The following MYO16 variants were observed in gnomAD, a reference collection of about 807,000 sequenced individuals.
MYO16 encodes myosin XVI, also known as unconventional myosin-XVI.
In MYO16, 94 loss-of-function variants were observed where a neutral mutation model predicts 205.3. The observed-to-expected ratio is 0.46, with a 90% CI of 0.39 to 0.54. The LOEUF is 0.54. Ranked by LOEUF, MYO16 falls within the 20% of genes least tolerant of loss-of-function variation. The pLI is 0.00. For missense variants in MYO16, 2,315 were observed against 2,387.5 expected (o/e 0.97, Z 0.63); for synonymous variants, 988 against 954.0 (o/e 1.04, Z -0.66).
At chr13:108,753,133 GC>G (rs570664992) in intron 4 of MYO16, among the ~76,000 whole-genome samples, 117 of 151,748 alleles carry the variant, frequency 7.7e-4, no homozygotes, top group African/African-American at 2.7e-3. Flanking sequence ...ATTTTGGGAG[GC>G]CGAGGTGGGT....
At chr13:109,098,922 T>C (rs1888865050) in intron 27 of MYO16, among the ~76,000 whole-genome samples, 2 of 152,244 alleles carry the variant, frequency 1.3e-5, no homozygotes, top group African/African-American at 4.8e-5. Flanking sequence ...ACTTAGTTCA[T>C]GAGTCACCCA....
intron 1 of MYO16, among the ~76,000 whole-genome samples, chr13:108,612,051 A>G (rs1879196227): frequency 7.1e-6 from 1 of 140,274 alleles, no homozygotes; most frequent in Non-Finnish European, 1.5e-5. Context: ...CTGATAAAGT[A>G]GACTCTTTAC....
At chr13:109,202,897 A>C (rs1784971886) in intron 34 of MYO16, among the ~76,000 whole-genome samples, 1 of 152,160 alleles carries the variant, frequency 6.6e-6, no homozygotes, top group Admixed American at 6.6e-5. Flanking sequence ...ACACCCAAAT[A>C]CTTACAGCCA....
chr13:108,644,998 G>T (rs1351136018), intron 1 of MYO16, among the ~76,000 whole-genome samples: 1 of 152,170 alleles, frequency 6.6e-6, no homozygotes, highest in Non-Finnish European at 1.5e-5. Context: ...GTTTTGGGCT[G>T]GTTTCTAGCA....
chr13:108,822,376 G>C lies in MYO16; in HGVS notation c.944-749G>C, dbSNP rs406644. On this transcript the variant is annotated intron_variant, in intron 8 of 34. Coordinates refer to ENST00000457511, the MANE Select transcript of MYO16 (RefSeq NM_001198950.3). ...CCCAGAAGGCCACATAACTCTAATT[G>C]ATAGACATAGGTGGTCACACAGTCT... Among the ~76,000 whole-genome samples, 717 of 152,158 alleles carry C rather than the reference G, an allele frequency of 4.7e-3. 5 individuals are homozygous for C. The highest frequency in any genetic ancestry group is 0.017 in the African/African-American group (685 of 41,482).
At chr13:109,063,785 A>G (rs34431766) in intron 27 of MYO16, among the ~76,000 whole-genome samples, 90,000 of 151,238 alleles carry the variant, frequency 0.6, 26,756 homozygotes, top group Admixed American at 0.63. Context: ...CTTGATACTT[A>G]TGCTGATAGA....
the MYO16 span, among the ~76,000 whole-genome samples, chr13:108,568,979 T>A: frequency 3.3e-5 from 5 of 152,004 alleles, no homozygotes; most frequent in Non-Finnish European, 7.4e-5. Context: ...TGACCATAAA[T>A]GTGTTTATTT....
At chr13:109,016,458 T>C (rs2139503741) in intron 22 of MYO16, among the ~76,000 whole-genome samples, 1 of 152,254 alleles carries the variant, frequency 6.6e-6, no homozygotes, top group South Asian at 2.1e-4. Flanking sequence ...GGGTGGAGAG[T>C]TCTGTAGATG....
the MYO16 span, among the ~76,000 whole-genome samples, chr13:108,500,583 C>G: frequency 6.6e-6 from 1 of 151,998 alleles, no homozygotes; most frequent in African/African-American, 2.4e-5. Flanking sequence ...TCCTTTCCCT[C>G]CCCCACATCC....
At chr13:108,958,553 C>T (rs1298315996) in intron 17 of MYO16, among the ~76,000 whole-genome samples, 1 of 152,172 alleles carries the variant, frequency 6.6e-6, no homozygotes, top group Non-Finnish European at 1.5e-5. Context: ...TAGTGACCTG[C>T]ATGGTGCTGT....
At chr13:108,522,766 T>TTGTG in the MYO16 span, among the ~76,000 whole-genome samples, 1,167 of 149,736 alleles carry the variant, frequency 7.8e-3, 8 homozygotes, top group South Asian at 0.021. Flanking sequence ...GTGTGTGTGT[T>TTGTG]TGTGTGTGTG....
chr13:109,022,985 T>C (rs1196863014), intron 23 of MYO16, among the ~76,000 whole-genome samples: 1 of 135,158 alleles, frequency 7.4e-6, no homozygotes, highest in Non-Finnish European at 1.5e-5. Flanking sequence ...AATATAGGTA[T>C]ATATTTATAT....
At chr13:108,539,941 T>A in the MYO16 span, among the ~76,000 whole-genome samples, 1 of 152,112 alleles carries the variant, frequency 6.6e-6, no homozygotes. Context: ...AAATGTGAGT[T>A]GGAAAAAGAG....
chr13:108,653,962 C>T (rs576900033), intron 1 of MYO16, among the ~76,000 whole-genome samples: 1 of 152,218 alleles, frequency 6.6e-6, no homozygotes, highest in South Asian at 2.1e-4. Flanking sequence ...ACTATGTAGT[C>T]TTTGGCAGAG....
intron 1 of MYO16, among the ~76,000 whole-genome samples, chr13:108,600,929 T>A (rs1269731840): frequency 6.6e-6 from 1 of 152,144 alleles, no homozygotes; most frequent in East Asian, 1.9e-4. Flanking sequence ...CTTATTTTTA[T>A]GCCACTTATC....
chr13:108,845,428 G>A (rs1459152955), intron 10 of MYO16, among the ~76,000 whole-genome samples: 1 of 152,136 alleles, frequency 6.6e-6, no homozygotes, highest in African/African-American at 2.4e-5. Context: ...GTTGACTGAA[G>A]GTGCAGGGTG....
At chr13:108,806,387 A>T (rs1362051932) in intron 6 of MYO16, among the ~76,000 whole-genome samples, 1 of 152,208 alleles carries the variant, frequency 6.6e-6, no homozygotes, top group Non-Finnish European at 1.5e-5. Flanking sequence ...TCTGTATTTT[A>T]AAATATTCAG....
At chr13:109,190,871 C>T (rs1344069245) in intron 34 of MYO16, among the ~76,000 whole-genome samples, 1 of 152,090 alleles carries the variant, frequency 6.6e-6, no homozygotes, top group Admixed American at 6.6e-5. Flanking sequence ...CAACTTAAAG[C>T]ATATAATAAT....
intron 2 of MYO16, among the ~76,000 whole-genome samples, chr13:108,705,332 T>C (rs1343287541): frequency 6.6e-6 from 1 of 152,174 alleles, no homozygotes; most frequent in African/African-American, 2.4e-5. Flanking sequence ...CACAGGAGCC[T>C]TTTCTGACCT....
Sources: gnomAD v4.1 joint callset for allele counts (sites outside exome capture counted in the v4.1 genomes callset) on GRCh38, gnomAD v4.1.1 for gene constraint, MANE v1.5 for transcripts, NCBI Gene and HGNC (gene_info 2026-07-23, HGNC 2026-07-21) for gene names.